The following FBXO36 variants were observed in gnomAD, a reference collection of about 807,000 sequenced individuals.
FBXO36 encodes F-box only protein 36.
A neutral mutation model predicts 17.0 loss-of-function variants in FBXO36; 18 were observed. The ratio of observed to expected loss-of-function variants is 1.06; its 90% CI spans 0.73 to 1.57. FBXO36 has a LOEUF of 1.57. Among genes scored for constraint, FBXO36 ranks in the 40% most tolerant of loss-of-function variants. The pLI is 0.00. For missense variants in FBXO36, 229 were observed against 221.9 expected (o/e 1.03, Z -0.20); for synonymous variants, 83 against 85.3 (o/e 0.97, Z 0.15).
At chr2:229,956,734 T>G (rs1360295782) in intron 1 of FBXO36, among the ~76,000 whole-genome samples, 1 of 152,148 alleles carries the variant, frequency 6.6e-6, no homozygotes, top group Non-Finnish European at 1.5e-5. Context: ...ATTCAGAGAA[T>G]GCCTCTCACT....
rs1311249488 is a variant in FBXO36, at chr2:230,012,557, T to C, written c.*1673T>C. 1 of 151,878 alleles carries C rather than the reference T, an allele frequency of 6.6e-6. No individual in the cohort carries two copies. Among genetic ancestry groups the C allele is most frequent in the Non-Finnish European group, 1.5e-5 (1 of 67,952 alleles). 9.4% of individuals were successfully genotyped at this position (151,878 alleles called of 1,614,324 possible). A position where few individuals can be genotyped will look rare whatever the true frequency, so the allele number is the denominator to read the frequency against. ...AGAGACCCAGGCCTCATTCTCCACT[T>C]AGGAGAGTTTGCTAGGGCAGGTACA... On this transcript the variant is annotated 3_prime_UTR_variant, in exon 4 of 4. Transcript: ENST00000283946.
chr2:229,987,288 A>C (rs963172462), intron 2 of FBXO36, among the ~76,000 whole-genome samples: 2 of 151,082 alleles, frequency 1.3e-5, no homozygotes, highest in African/African-American at 4.8e-5. Context: ...TATTTACTTC[A>C]TTTCATCTAA....
At chr2:229,946,975 T>C (rs2077030316) in intron 1 of FBXO36, among the ~76,000 whole-genome samples, 1 of 152,168 alleles carries the variant, frequency 6.6e-6, no homozygotes, top group Non-Finnish European at 1.5e-5. Context: ...CAGACCAGCC[T>C]GGCCAACATG....
chr2:229,982,604 T>C (rs1189450090), intron 2 of FBXO36, among the ~76,000 whole-genome samples: 1 of 151,484 alleles, frequency 6.6e-6, no homozygotes, highest in Non-Finnish European at 1.5e-5. Context: ...GTTAGGAGTT[T>C]GAGACCAGCC....
At chr2:229,980,177 C>T (rs1003685234) in intron 2 of FBXO36, among the ~76,000 whole-genome samples, 1 of 152,086 alleles carries the variant, frequency 6.6e-6, no homozygotes, top group African/African-American at 2.4e-5. Flanking sequence ...AGCCCCCGCC[C>T]CTGCCCCTGA....
rs1474171833 is a variant in FBXO36, at chr2:229,950,866, C to G, written c.97-25375C>G. On this transcript the variant is annotated intron_variant, in intron 1 of 3. Coordinates refer to ENST00000283946, the MANE Select transcript of FBXO36 (RefSeq NM_174899.5). ...CTGTCTTCTGGGTTCAAGTGATTCT[C>G]CTGTCTCAGCCTCCCAAGTATCTGG... Among the ~76,000 whole-genome samples, 3 of 151,772 alleles carry G rather than the reference C, an allele frequency of 2.0e-5. No homozygotes were observed. The East Asian group carries it at 5.8e-4, about 29-fold the overall frequency.
At chr2:229,967,031 T>C (rs1317445860) in intron 1 of FBXO36, among the ~76,000 whole-genome samples, 1 of 152,238 alleles carries the variant, frequency 6.6e-6, no homozygotes, top group Non-Finnish European at 1.5e-5. Context: ...CTTCCATTTG[T>C]TGGTATCCTC....
In FBXO36 at chr2:230,010,367, G is replaced by A. The variant is rs149425904; in HGVS notation, c.379-329G>A. Among the ~76,000 whole-genome samples the A allele has an allele frequency of 9.8e-5, 15 of 152,362 alleles. No individual in the cohort carries two copies. In the East Asian group the frequency reaches 2.7e-3, roughly 27 times the overall value. On this transcript the variant is annotated intron_variant, in intron 3 of 3. Transcript: ENST00000283946. ...TCCAGATGTTGACAGTGACTGATGG[G>A]ACTTGGCCGCAGTGGGGTGGGGGTG...
In FBXO36 at chr2:229,923,419, C is replaced by G. The variant is rs537211523; in HGVS notation, c.96+810C>G. Among the ~76,000 whole-genome samples, 20 of 152,280 alleles carry G rather than the reference C, an allele frequency of 1.3e-4. No homozygotes were observed. In the South Asian group the frequency reaches 3.7e-3, roughly 28 times the overall value. On this transcript the variant is annotated intron_variant, in intron 1 of 3. Coordinates refer to ENST00000283946, the MANE Select transcript of FBXO36 (RefSeq NM_174899.5). ...GTTTCTAATCCTGGCTGAGTTTACG[C>G]CTGTCACTGAGTTATTCATGCACCC... is the stretch of plus-strand genomic sequence containing the variant.
chr2:229,964,215 G>A (rs1322581705), intron 1 of FBXO36, among the ~76,000 whole-genome samples: 2 of 151,934 alleles, frequency 1.3e-5, no homozygotes, highest in Non-Finnish European at 2.9e-5. Context: ...TCACATTTGA[G>A]ATATGCTTTT....
At chr2:229,923,368 T>C (rs1321254273) in intron 1 of FBXO36, 1 of 152,206 alleles carries the variant, frequency 6.6e-6, no homozygotes, top group African/African-American at 2.4e-5. Flanking sequence ...AATTCTCAAC[T>C]TGAGCGGGGC....
chr2:230,008,363 G>A lies in FBXO36; in HGVS notation c.379-2333G>A, dbSNP rs561198562. Among the ~76,000 whole-genome samples, 7 of 152,218 alleles carry A rather than the reference G, an allele frequency of 4.6e-5. No individual in the cohort carries two copies. The East Asian group carries it at 1.2e-3, about 25-fold the overall frequency. On this transcript the variant is annotated intron_variant, in intron 3 of 3. Transcript: ENST00000283946. The stretch of plus-strand genomic sequence containing the variant: ...CAAAATTCATGCACCACCACCGGGG[G>A]GCGCTAAATCCATGGTTAGCTGGGC...
At chr2:229,933,142 A>T (rs1035769553) in intron 1 of FBXO36, among the ~76,000 whole-genome samples, 23 of 152,156 alleles carry the variant, frequency 1.5e-4, no homozygotes, top group Admixed American at 1.5e-3. Flanking sequence ...TCACACCTGT[A>T]ATCCATTTGG....
chr2:229,985,277 A>G (rs2077262219), intron 2 of FBXO36, among the ~76,000 whole-genome samples: 1 of 152,180 alleles, frequency 6.6e-6, no homozygotes, highest in Admixed American at 6.6e-5. Context: ...TACGTAAAAT[A>G]CCAGTTACTT....
intron 1 of FBXO36, among the ~76,000 whole-genome samples, chr2:229,922,980 GT>G (rs1319877218): frequency 6.6e-6 from 1 of 152,212 alleles, no homozygotes; most frequent in Non-Finnish European, 1.5e-5. Flanking sequence ...ACTCAGCCAA[GT>G]GTCCCAAGGA....
At chr2:229,940,349 G>T (rs2076991822) in intron 1 of FBXO36, among the ~76,000 whole-genome samples, 1 of 152,104 alleles carries the variant, frequency 6.6e-6, no homozygotes, top group Non-Finnish European at 1.5e-5. Flanking sequence ...TGATGGATAC[G>T]TAAAGACATA....
intron 2 of FBXO36, among the ~76,000 whole-genome samples, chr2:229,982,028 G>GTT (rs551682845): frequency 2.8e-5 from 4 of 144,514 alleles, no homozygotes; most frequent in South Asian, 2.2e-4. Context: ...TTTTGTTTTT[G>GTT]TTTTTTTTTT....
intron 3 of FBXO36, among the ~76,000 whole-genome samples, chr2:230,002,127 T>G (rs979131846): frequency 4.6e-5 from 7 of 152,158 alleles, no homozygotes; most frequent in African/African-American, 1.7e-4. Context: ...CATGAGCCAT[T>G]GCTCGGCCTA....
intron 3 of FBXO36, among the ~76,000 whole-genome samples, chr2:229,999,124 A>ATTT (rs1178050342): frequency 2.8e-5 from 3 of 107,998 alleles, no homozygotes; most frequent in Non-Finnish European, 5.6e-5. Flanking sequence ...AAGTAATGTA[A>ATTT]TTTTTTTTTT....
Sources: gnomAD v4.1 joint callset for allele counts (sites outside exome capture counted in the v4.1 genomes callset) on GRCh38, gnomAD v4.1.1 for gene constraint, MANE v1.5 for transcripts, NCBI Gene and HGNC (gene_info 2026-07-23, HGNC 2026-07-21) for gene names.